The following SCARB2 variants were observed in gnomAD, a reference collection of about 807,000 sequenced individuals.
The protein encoded by SCARB2 is scavenger receptor class B member 2.
SCARB2 carries 29 observed loss-of-function variants against 58.6 expected under a neutral mutation model. The observed-to-expected ratio is 0.49, with a 90% confidence interval of 0.37 to 0.67. The LOEUF is 0.67. Ranked by LOEUF, SCARB2 falls within the 30% of genes least tolerant of loss-of-function variation. The pLI is 0.00. For synonymous variants in SCARB2, 195 were observed against 210.1 expected, an observed-to-expected ratio of 0.93 and a Z score of 0.62; for missense variants, 488 against 578.5, an observed-to-expected ratio of 0.84 and a Z score of 1.60.
chr4:76,216,666 C>T (rs1438234239), upstream of SCARB2, among the ~76,000 whole-genome samples: 2 of 152,180 alleles, frequency 1.3e-5, no homozygotes, highest in Non-Finnish European at 2.9e-5. Context: ...CCTCAGTTTA[C>T]CTGCTCTCTG....
intron 6 of SCARB2, chr4:76,174,524 T>C (rs1397934797): frequency 3.6e-6 from 2 of 563,282 alleles, no homozygotes; most frequent in Admixed American, 3.0e-5. Context: ...GCAACGGTGA[T>C]ATCATCCAAA....
At chr4:76,206,821 C>T (rs1578739368) in intron 1 of SCARB2, among the ~76,000 whole-genome samples, 2 of 151,764 alleles carry the variant, frequency 1.3e-5, no homozygotes, top group Non-Finnish European at 2.9e-5. Flanking sequence ...GATCAGCACT[C>T]GGGGAAAGAC....
chr4:76,179,454 C>T, intron 4 of SCARB2, 63 bp downstream of exon 4: 5 of 1,143,620 alleles, frequency 4.4e-6, no homozygotes, highest in Non-Finnish European at 5.3e-6. Context: ...GTTAATCTGG[C>T]TTGGGGTGCC....
In SCARB2 at chr4:76,159,859, CTGA is replaced by C. The variant is rs2109928898; in HGVS notation, c.*1851_*1853del. 6.6e-6 allele frequency: 1 copy of C among 152,246 alleles called. No individual in the cohort carries two copies. The highest frequency in any genetic ancestry group is 2.1e-4 in the South Asian group (1 of 4,824). 9.4% of individuals were successfully genotyped at this position (152,246 alleles called of 1,614,324 possible). A position where few individuals can be genotyped will look rare whatever the true frequency, so the allele number is the denominator to read the frequency against. On this transcript the variant is annotated 3_prime_UTR_variant, in exon 12 of 12. Transcript: ENST00000264896. ...TATCCTCCTCACAGATGATTATATC[CTGA>C]TAATAGGACTAAACCAATAAGTATG...
chr4:76,195,553 A>G (rs980545195), intron 2 of SCARB2, 154 bp downstream of exon 2: 2 of 667,286 alleles, frequency 3.0e-6, no homozygotes, highest in Non-Finnish European at 5.3e-6. Flanking sequence ...GGTTTCACAC[A>G]CACATACAAA....
In SCARB2 at chr4:76,166,314, A is replaced by C; in HGVS notation, c.1188-13T>G. ...GTCTCCCGTTTCACTACAAAGACAA[A>C]GGATGAGATTGTTTCAGAAACATCC... is the stretch of plus-strand genomic sequence containing the variant. On this transcript the variant is annotated splice_polypyrimidine_tract_variant and intron_variant, in intron 9 of 11. Transcript: ENST00000264896. The C allele has an allele frequency of 6.2e-7, 1 of 1,613,814 alleles. No individual in the cohort carries two copies. Among genetic ancestry groups the C allele is most frequent in the South Asian group, 1.1e-5 (1 of 91,058 alleles).
In SCARB2 at chr4:76,176,542, A is replaced by C. The variant is rs1484418425; in HGVS notation, c.613-14T>G. 2.6e-6 allele frequency: 4 copies of C among 1,526,656 alleles called. No individual in the cohort carries two copies. Among genetic ancestry groups the C allele is most frequent in the Non-Finnish European group, 3.6e-6 (4 of 1,102,298 alleles). 94.6% of individuals were successfully genotyped at this position (1,526,656 alleles called of 1,614,324 possible). A position where few individuals can be genotyped will look rare whatever the true frequency, so the allele number is the denominator to read the frequency against. On this transcript the variant is annotated splice_polypyrimidine_tract_variant and intron_variant, in intron 4 of 11. Coordinates refer to ENST00000264896, the MANE Select transcript of SCARB2 (RefSeq NM_005506.4). The stretch of plus-strand genomic sequence containing the variant: ...AGTCCCATTTTTCTGAAAATATGTG[A>C]ATATGATCATTTAAAGTAACTGTGA...
rs187573570 is a variant in SCARB2 at position 76,202,365 on chromosome 4, G to C, written c.118-6501C>G. ...CAACCTCCGCCTCCCGGGTTCAAGC[G>C]ATTCTCCTGCCTCAGCCTCTCGAGT... is the stretch of plus-strand genomic sequence containing the variant. On this transcript the variant is annotated intron_variant, in intron 1 of 11. Coordinates refer to ENST00000264896, the MANE Select transcript of SCARB2 (RefSeq NM_005506.4). Among the ~76,000 whole-genome samples the C allele has an allele frequency of 2.8e-3, 425 of 152,158 alleles. 3 individuals carry two copies. The highest frequency in any genetic ancestry group is 0.01 in the African/African-American group (415 of 41,488).
intron 1 of SCARB2, among the ~76,000 whole-genome samples, chr4:76,233,926 G>A (rs2109987348): frequency 6.6e-6 from 1 of 152,222 alleles, no homozygotes; most frequent in East Asian, 1.9e-4. Flanking sequence ...TACTACTGAT[G>A]GGGTGAAGAA....
intron 2 of SCARB2, chr4:76,194,624 G>A (rs1206777465): frequency 6.6e-6 from 1 of 152,130 alleles, no homozygotes; most frequent in Non-Finnish European, 1.5e-5. Flanking sequence ...TTGAGCAATC[G>A]ATTACAACAG....
At chr4:76,224,803 TG>T (rs1733366961) in intron 1 of SCARB2, among the ~76,000 whole-genome samples, 1 of 152,118 alleles carries the variant, frequency 6.6e-6, no homozygotes, top group Admixed American at 6.5e-5. Context: ...TTTGGTTGCA[TG>T]GAAAAGTTCT....
upstream of SCARB2, chr4:76,217,662 A>C (rs1733233802): frequency 1.5e-6 from 1 of 653,402 alleles, no homozygotes; most frequent in African/African-American, 1.8e-5. Context: ...TGAGCCAAAT[A>C]AACCTCTTTT....
intron 1 of SCARB2, among the ~76,000 whole-genome samples, chr4:76,211,368 CG>C (rs1452753787): frequency 7.3e-6 from 1 of 137,594 alleles, no homozygotes; most frequent in African/African-American, 2.8e-5. Context: ...AGTTATTTGA[CG>C]TAAGTCATAA....
chr4:76,197,887 T>C (rs1490000981), intron 1 of SCARB2, among the ~76,000 whole-genome samples: 1 of 151,810 alleles, frequency 6.6e-6, no homozygotes, highest in Non-Finnish European at 1.5e-5. Context: ...AAAAAAATGT[T>C]CCCTTATCTT....
At chr4:76,166,618 G>A (rs1411070813) in intron 9 of SCARB2, 1 of 446,090 alleles carries the variant, frequency 2.2e-6, no homozygotes, top group Non-Finnish European at 4.1e-6. Flanking sequence ...AGAGTGTTTT[G>A]TAACTAGGCC....
At chr4:76,179,167 C>T (rs1454115853) in intron 4 of SCARB2, 5 of 292,234 alleles carry the variant, frequency 1.7e-5, no homozygotes, top group African/African-American at 8.8e-5. Context: ...AACTTACCTG[C>T]CTCAGTCTCC....
intron 1 of SCARB2, among the ~76,000 whole-genome samples, chr4:76,229,981 T>C (rs566697011): frequency 4.6e-5 from 7 of 152,172 alleles, no homozygotes; most frequent in Non-Finnish European, 1.0e-4. Flanking sequence ...CAGGAGGTGG[T>C]GCTTTCAAGA....
At chr4:76,196,248 G>A (rs987386571) in intron 1 of SCARB2, among the ~76,000 whole-genome samples, 22 of 152,240 alleles carry the variant, frequency 1.4e-4, no homozygotes, top group Non-Finnish European at 2.6e-4. Flanking sequence ...GGCTAGTCGG[G>A]AGGCTGAGGC....
chr4:76,203,178 T>C (rs1560719309), intron 1 of SCARB2, among the ~76,000 whole-genome samples: 1 of 152,164 alleles, frequency 6.6e-6, no homozygotes, highest in African/African-American at 2.4e-5. Flanking sequence ...TTTAACCATG[T>C]GGGCCAGGCT....
Sources: gnomAD v4.1 joint callset for allele counts (sites outside exome capture counted in the v4.1 genomes callset) on GRCh38, gnomAD v4.1.1 for gene constraint, MANE v1.5 for transcripts, NCBI Gene and HGNC (gene_info 2026-07-23, HGNC 2026-07-21) for gene names.